The following RBAK variants were observed in gnomAD, a reference collection of about 807,000 sequenced individuals.
The protein encoded by RBAK is RB-associated KRAB zinc finger protein.
A neutral mutation model predicts 65.8 loss-of-function variants in RBAK; 39 were observed. The ratio of observed to expected loss-of-function variants is 0.59; its 90% CI spans 0.46 to 0.77. RBAK has a LOEUF of 0.77. Among genes scored for constraint, RBAK ranks in the 30% least tolerant of loss-of-function variants. The pLI, the probability that RBAK is intolerant of heterozygous loss-of-function variation, is 0.00. For missense variants in RBAK, 884 were observed against 855.1 expected, an observed-to-expected ratio of 1.03 and a Z score of -0.42; for synonymous variants, 343 against 289.7, an observed-to-expected ratio of 1.18 and a Z score of -1.87.
rs1196859399 is a variant in RBAK, at chr7:5,064,513, A to C, written c.1057A>C (p.Thr353Pro). Reference sequence around the variant, plus strand: ...CTACGAATGTAGCGAATGTGGGAAAACCTTCTGCCAAAAGACACATCTCAC... The same window carrying C: ...CTACGAATGTAGCGAATGTGGGAAACCCTTCTGCCAAAAGACACATCTCAC... ...KPYECSECGKTFCQKTHLTLH... is the reference protein window; with the variant it reads ...KPYECSECGKPFCQKTHLTLH... The change falls in exon 5 of 5, where the codon ACC becomes CCC. Residue 353 changes from threonine (T) to proline (P), a missense_variant. Physicochemically the swap from Thr to Pro is conservative, Grantham distance 38. Transcript: ENST00000396912. The surrounding 1 kb of genome is among the most constrained non-coding windows in gnomAD (Gnocchi z 6.3). 1.9e-6 allele frequency: 3 copies of C among 1,613,724 alleles called. No individual in the cohort carries two copies. The highest frequency in any genetic ancestry group is 2.5e-6 in the Non-Finnish European group (3 of 1,179,906).
chr7:5,051,044 T>G (rs1788104848), intron 2 of RBAK, among the ~76,000 whole-genome samples: 1 of 152,202 alleles, frequency 6.6e-6, no homozygotes, highest in African/African-American at 2.4e-5. Flanking sequence ...ACATCAAAGT[T>G]GTGATTCTTT....
rs1284824025 is a variant in RBAK at position 5,051,554 on chromosome 7, AT to A, written c.15+3466del. 2.6e-5 allele frequency among the ~76,000 whole-genome samples: 4 copies of A among 152,096 alleles called. No homozygotes were observed. In the East Asian group the frequency reaches 7.7e-4, roughly 29 times the overall value. On this transcript the variant is annotated intron_variant, in intron 2 of 4. Transcript: ENST00000396912. ...TTCCAGTTTTGCCAATTTCCCAATAATTTCCTTTATAGCAATTTTTAATTTT... is the reference window on the plus strand; with the variant it reads ...TTCCAGTTTTGCCAATTTCCCAATAATTCCTTTATAGCAATTTTTAATTTT...
intron 2 of RBAK, among the ~76,000 whole-genome samples, chr7:5,050,808 A>G (rs1788100417): frequency 6.6e-6 from 1 of 152,174 alleles, no homozygotes; most frequent in South Asian, 2.1e-4. Context: ...TCCTGGGCTC[A>G]AGTGATCCTC....
rs184783854 is a variant in RBAK, at chr7:5,065,800, C to T, written c.*199C>T. The T allele has an allele frequency of 6.5e-4, 263 of 401,868 alleles. No homozygotes were observed. The highest frequency in any genetic ancestry group is 9.8e-4 in the Non-Finnish European group (223 of 227,654). 24.9% of individuals were successfully genotyped at this position (401,868 alleles called of 1,614,324 possible). A position where few individuals can be genotyped will look rare whatever the true frequency, so the allele number is the denominator to read the frequency against. Reference sequence around the variant, plus strand: ...AAGCAAAGCCTTCAGCAAGATCATACGACTCATCGGACACTAATTTATATA... The same window carrying T: ...AAGCAAAGCCTTCAGCAAGATCATATGACTCATCGGACACTAATTTATATA... On this transcript the variant is annotated 3_prime_UTR_variant, in exon 5 of 5. Coordinates refer to ENST00000396912, the MANE Select transcript of RBAK (RefSeq NM_021163.4). This position sits in a 1 kb window ranked among gnomAD's most constrained non-coding sequence, Gnocchi z 5.3.
At chr7:5,062,947 G>T (rs1335683339) in intron 4 of RBAK, among the ~76,000 whole-genome samples, 2 of 152,086 alleles carry the variant, frequency 1.3e-5, no homozygotes, top group South Asian at 2.1e-4. Context: ...TTTTCAAGGT[G>T]CCCAGATTTC....
At chr7:5,060,926 A>T (rs558940721) in intron 4 of RBAK, among the ~76,000 whole-genome samples, 2 of 152,206 alleles carry the variant, frequency 1.3e-5, no homozygotes, top group Non-Finnish European at 2.9e-5. Flanking sequence ...AATTTGTAAG[A>T]TACATAAAAA....
At position 5,057,219 on chromosome 7, in the gene RBAK, A is replaced by C. The variant is rs112212087; in HGVS notation, c.16-76A>C. 1.6e-3 allele frequency: 2,650 copies of C among 1,609,138 alleles called. 37 individuals carry two copies. In the African/African-American group the frequency reaches 0.03, roughly 18 times the overall value. On this transcript the variant is annotated intron_variant, in intron 2 of 4. Transcript: ENST00000396912. ...GTATACAATGTTTATGGTTAACTTTACCGGTGGGCTTTGTAAAACGTTATC... is the reference window on the plus strand; with the variant it reads ...GTATACAATGTTTATGGTTAACTTTCCCGGTGGGCTTTGTAAAACGTTATC...
chr7:5,065,545 C>T lies in RBAK; in HGVS notation c.2089C>T (p.His697Tyr). 2 of 1,573,698 alleles carry T rather than the reference C, an allele frequency of 1.3e-6. No individual in the cohort carries two copies. The change falls in exon 5 of 5, where the codon CAT (histidine) becomes TAT (tyrosine). Residue 697 changes from histidine (H) to tyrosine (Y), a missense_variant. His to Tyr is a moderately conservative substitution (Grantham distance 83). Transcript: ENST00000396912. This position sits in a 1 kb window ranked among gnomAD's most constrained non-coding sequence, Gnocchi z 5.3. Reference protein sequence around the residue: ...KFHHRSAFNSHQRIHRRGNMN... With the variant: ...KFHHRSAFNSYQRIHRRGNMN... ...CCACCACAGATCAGCCTTCAATAGC[C>T]ATCAGAGAATTCATAGAAGAGGAAA... is the stretch of plus-strand genomic sequence containing the variant.
rs1006414795 is a variant in RBAK at position 5,065,277 on chromosome 7, A to G, written c.1821A>G (p.Lys607=). The G allele has an allele frequency of 6.2e-7, 1 of 1,614,006 alleles. No individual in the cohort carries two copies. The highest frequency in any genetic ancestry group is 2.2e-5 in the East Asian group (1 of 44,864). Residue 607 remains lysine, a synonymous_variant, in exon 5 of 5, where the codon AAA becomes AAG. Transcript: ENST00000396912. The surrounding 1 kb of genome is among the most constrained non-coding windows in gnomAD (Gnocchi z 5.3). ...CYECGKFFSQ[K]SYLTIHHRIH... ...AATGTGGAAAATTCTTCTCTCAGAA[A>G]TCATATCTCACTATACATCATCGAA...
At chr7:5,052,024 C>T (rs1788128013) in intron 2 of RBAK, among the ~76,000 whole-genome samples, 1 of 152,156 alleles carries the variant, frequency 6.6e-6, no homozygotes, top group Admixed American at 6.6e-5. Context: ...TTTCTCTTTG[C>T]AATTTTACCA....
rs532435235 is a variant in RBAK, at chr7:5,049,965, C to T, written c.15+1874C>T. 7.2e-5 allele frequency among the ~76,000 whole-genome samples: 11 copies of T among 152,210 alleles called. No individual in the cohort carries two copies. In the South Asian group the frequency reaches 1.0e-3, roughly 14 times the overall value. Reference sequence around the variant, plus strand: ...AACTCCTGAGCTCAGGCAGTCTGCCCGCCTCGGCCTCCCAAAATGCTAGGA... The same window carrying T: ...AACTCCTGAGCTCAGGCAGTCTGCCTGCCTCGGCCTCCCAAAATGCTAGGA... On this transcript the variant is annotated intron_variant, in intron 2 of 4. Transcript: ENST00000396912.
intron 2 of RBAK, among the ~76,000 whole-genome samples, chr7:5,049,879 G>A (rs952625999): frequency 7.9e-5 from 12 of 151,832 alleles, no homozygotes; most frequent in South Asian, 2.1e-4. Flanking sequence ...TGCCACACCC[G>A]ACTAATTTTT....
At position 5,069,052 on chromosome 7, in the gene RBAK, A is replaced by C. The variant is rs958794976; in HGVS notation, c.*3451A>C. On this transcript the variant is annotated 3_prime_UTR_variant, in exon 5 of 5. Transcript: ENST00000396912. The stretch of plus-strand genomic sequence containing the variant: ...GGGGCATTTATCTGGTGCTGGGAAT[A>C]ATCTGTTTCTAAACCTAGGTGCTAA... The C allele has an allele frequency of 8.5e-5, 13 of 152,306 alleles. No homozygotes were observed. In the East Asian group the frequency reaches 2.1e-3, roughly 25 times the overall value. The allele number at this position is 152,306 out of a possible 1,614,324, so 9.4% of individuals were successfully genotyped here.
chr7:5,047,680 T>C (rs1333729806), intron 1 of RBAK, among the ~76,000 whole-genome samples: 1 of 142,434 alleles, frequency 7.0e-6, no homozygotes, highest in Non-Finnish European at 1.5e-5. Context: ...CTCGGCTCAC[T>C]GCAACCTCCA....
At chr7:5,063,283 C>A (rs1017927131) in intron 4 of RBAK, among the ~76,000 whole-genome samples, 1 of 152,224 alleles carries the variant, frequency 6.6e-6, no homozygotes, top group Non-Finnish European at 1.5e-5. Context: ...CTTCCCACAA[C>A]ACATTTGATC....
intron 4 of RBAK, among the ~76,000 whole-genome samples, chr7:5,062,530 AC>A (rs1451754302): frequency 6.6e-6 from 1 of 152,202 alleles, no homozygotes; most frequent in African/African-American, 2.4e-5. Context: ...GGACCACAGG[AC>A]CGGGGCAAAA....
At chr7:5,058,923 G>C (rs1464457687) in intron 4 of RBAK, among the ~76,000 whole-genome samples, 2 of 152,142 alleles carry the variant, frequency 1.3e-5, no homozygotes, top group African/African-American at 4.8e-5. Context: ...TGATACGTCT[G>C]ACACTTTTAA....
At chr7:5,052,651 T>G (rs1341259840) in intron 2 of RBAK, among the ~76,000 whole-genome samples, 2 of 152,256 alleles carry the variant, frequency 1.3e-5, no homozygotes, top group Non-Finnish European at 2.9e-5. Context: ...TTCTCTCCTC[T>G]TGGTCTTTAC....
At position 5,064,588 on chromosome 7, in the gene RBAK, T is replaced by C; in HGVS notation, c.1132T>C (p.Cys378Arg). 6.2e-7 allele frequency: 1 copy of C among 1,614,060 alleles called. No individual in the cohort carries two copies. Among genetic ancestry groups the C allele is most frequent in the South Asian group, 1.1e-5 (1 of 91,078 alleles). Reference protein sequence around the residue: ...SGERPYPCNECGKSFSRKSAL... With the variant: ...SGERPYPCNERGKSFSRKSAL... ...AGAGAGGCCCTATCCATGTAACGAA[T>C]GTGGGAAATCCTTCTCCCGCAAGTC... The change falls in exon 5 of 5, where the codon TGT becomes CGT. Residue 378 changes from cysteine (C) to arginine (R), a missense_variant. Coordinates refer to ENST00000396912, the MANE Select transcript of RBAK (RefSeq NM_021163.4). This position sits in a 1 kb window ranked among gnomAD's most constrained non-coding sequence, Gnocchi z 6.3.
Sources: allele counts gnomAD v4.1 joint callset (sites outside exome capture counted in the v4.1 genomes callset), GRCh38; gene constraint gnomAD v4.1.1; non-coding constraint Gnocchi (gnomAD v3.1); transcripts MANE v1.5; gene names NCBI Gene and HGNC (gene_info 2026-07-23, HGNC 2026-07-21).